GPATCH2: variants seen among roughly 807,000 people sequenced by gnomAD.
GPATCH2 encodes the protein G patch domain-containing protein 2.
Under a neutral mutation model 58.0 loss-of-function variants are expected in GPATCH2, and 51 were observed. The observed-to-expected ratio is 0.88, with a 90% CI of 0.70 to 1.11. The LOEUF is 1.11. Among genes scored for constraint, GPATCH2 ranks in the 50% most tolerant of loss-of-function variants. The pLI, the probability that GPATCH2 is intolerant of heterozygous loss-of-function variation, is 0.00. For missense variants in GPATCH2, 625 were observed against 652.2 expected (o/e 0.96, Z 0.45); for synonymous variants, 222 against 218.5 (o/e 1.02, Z -0.14).
intron 6 of GPATCH2, among the ~76,000 whole-genome samples, chr1:217,505,747 A>G (rs573163423): frequency 1.2e-3 from 179 of 152,302 alleles, no homozygotes; most frequent in African/African-American, 4.0e-3. Context: ...ATATAAAATG[A>G]TCTAAATCTG....
intron 5 of GPATCH2, among the ~76,000 whole-genome samples, chr1:217,562,264 T>C (rs1355594291): frequency 6.6e-6 from 1 of 152,216 alleles, no homozygotes; most frequent in Non-Finnish European, 1.5e-5. Context: ...GGTCTAGGAA[T>C]AATGTTACAT....
intron 5 of GPATCH2, among the ~76,000 whole-genome samples, chr1:217,598,239 T>A (rs960893177): frequency 2.0e-4 from 31 of 151,842 alleles, no homozygotes; most frequent in African/African-American, 6.8e-4. Flanking sequence ...TACAAAAAAA[T>A]TAGCTAAGTG....
At position 217,458,379 on chromosome 1, in the gene GPATCH2, T is replaced by C. The variant is rs78094323; in HGVS notation, c.1278-9042A>G. On this transcript the variant is annotated intron_variant, in intron 8 of 9. Coordinates refer to ENST00000366935, the MANE Select transcript of GPATCH2 (RefSeq NM_018040.5). Reference sequence around the variant, plus strand: ...AACCAGCTCAGTTAAATATTTCTTTTGTACTGCTTCATTATTCCACACAAA... The same window carrying C: ...AACCAGCTCAGTTAAATATTTCTTTCGTACTGCTTCATTATTCCACACAAA... 5.1e-4 allele frequency among the ~76,000 whole-genome samples: 78 copies of C among 152,332 alleles called. No individual in the cohort carries two copies. In the East Asian group the frequency reaches 0.014, roughly 27 times the overall value.
chr1:217,563,005 T>TTGCTAAG (rs1190275879), intron 5 of GPATCH2, among the ~76,000 whole-genome samples: 2 of 103,750 alleles, frequency 1.9e-5, no homozygotes, highest in Non-Finnish European at 4.7e-5. Context: ...TTTGGACAAG[T>TTGCTAAG]TTGCTAAGTT....
At chr1:217,567,931 A>G (rs1317074444) in intron 5 of GPATCH2, among the ~76,000 whole-genome samples, 2 of 152,164 alleles carry the variant, frequency 1.3e-5, no homozygotes, top group East Asian at 3.9e-4. Context: ...CCTGGCTAAC[A>G]TGGTGAAACC....
rs902652601 is a variant in GPATCH2, at chr1:217,610,015, A to C, written c.1098+306T>G. On this transcript the variant is annotated intron_variant, in intron 5 of 9. Coordinates refer to ENST00000366935, the MANE Select transcript of GPATCH2 (RefSeq NM_018040.5). ...CTAAAAGGAAGAATACCAGTCCTCC[A>C]GCAAAAACAGCCCCATCTTTTCATC... The C allele has an allele frequency of 2.8e-6, 4 of 1,416,510 alleles. No homozygotes were observed. In the African/African-American group the frequency reaches 5.9e-5, roughly 21 times the overall value. 87.7% of individuals were successfully genotyped at this position (1,416,510 alleles called of 1,614,324 possible).
At chr1:217,597,029 A>G (rs1463304628) in intron 5 of GPATCH2, among the ~76,000 whole-genome samples, 1 of 152,128 alleles carries the variant, frequency 6.6e-6, no homozygotes, top group Non-Finnish European at 1.5e-5. Flanking sequence ...AGATACCAAT[A>G]GACAAAATAT....
At chr1:217,602,208 G>A (rs954503241) in intron 5 of GPATCH2, among the ~76,000 whole-genome samples, 9 of 152,074 alleles carry the variant, frequency 5.9e-5, no homozygotes, top group South Asian at 2.1e-4. Context: ...GGACCACAAC[G>A]TCCATAAGCA....
At position 217,600,555 on chromosome 1, in the gene GPATCH2, G is replaced by A. The variant is rs185073104; in HGVS notation, c.1098+9766C>T. 1.5e-3 allele frequency among the ~76,000 whole-genome samples: 223 copies of A among 152,192 alleles called. 1 individual carries two copies. Among genetic ancestry groups the A allele is most frequent in the Non-Finnish European group, 1.1e-3 (73 of 67,946 alleles). On this transcript the variant is annotated intron_variant, in intron 5 of 9. Coordinates refer to ENST00000366935, the MANE Select transcript of GPATCH2 (RefSeq NM_018040.5). ...ATATCTGAAGGGAAAGTAGAAAACC[G>A]AAATTTATAGACCATCAGAATAATT...
intron 8 of GPATCH2, among the ~76,000 whole-genome samples, chr1:217,457,953 C>A (rs560458949): frequency 2.6e-5 from 4 of 152,230 alleles, no homozygotes; most frequent in Admixed American, 2.0e-4. Flanking sequence ...CTTGGCCGGG[C>A]GCGGTGGCTC....
chr1:217,595,252 A>G (rs945883596), intron 5 of GPATCH2, among the ~76,000 whole-genome samples: 2 of 152,146 alleles, frequency 1.3e-5, no homozygotes, highest in African/African-American at 4.8e-5. Context: ...TTAAAGAGTA[A>G]ACTAAGGATT....
intron 5 of GPATCH2, among the ~76,000 whole-genome samples, chr1:217,566,948 T>A (rs1355477043): frequency 1.3e-5 from 2 of 152,144 alleles, no homozygotes; most frequent in African/African-American, 4.8e-5. Context: ...TTTAGACTCA[T>A]AATAACAGTT....
chr1:217,619,629 A>T (rs1189199331), intron 2 of GPATCH2, among the ~76,000 whole-genome samples, 154 bp downstream of exon 2: 2 of 152,186 alleles, frequency 1.3e-5, no homozygotes, highest in Admixed American at 6.5e-5. Flanking sequence ...TAAACATCAT[A>T]AAGTATAAGG....
intron 5 of GPATCH2, chr1:217,609,008 A>T: frequency 2.1e-6 from 2 of 959,916 alleles, no homozygotes; most frequent in Non-Finnish European, 2.5e-6. Context: ...TTCTTTTCCA[A>T]TCATATTTAA....
At chr1:217,515,256 C>T (rs894992285) in intron 5 of GPATCH2, among the ~76,000 whole-genome samples, 1 of 151,936 alleles carries the variant, frequency 6.6e-6, no homozygotes, top group Admixed American at 6.6e-5. Context: ...CCACCACGCC[C>T]GGCTAATTTT....
chr1:217,456,724 C>T (rs1659963725), intron 8 of GPATCH2, among the ~76,000 whole-genome samples: 1 of 152,164 alleles, frequency 6.6e-6, no homozygotes. Flanking sequence ...AAAATAGACT[C>T]AGTAGTTTTA....
chr1:217,505,660 T>C (rs558148336), intron 6 of GPATCH2, among the ~76,000 whole-genome samples: 9 of 152,102 alleles, frequency 5.9e-5, no homozygotes, highest in Non-Finnish European at 1.3e-4. Flanking sequence ...TAATATGGAT[T>C]TTTATTGTTA....
rs949040101 is a variant in GPATCH2 at position 217,431,070 on chromosome 1, C to G, written c.*75G>C. 1.5e-5 allele frequency: 12 copies of G among 822,052 alleles called. No homozygotes were observed. The highest frequency in any genetic ancestry group is 2.6e-5 in the Non-Finnish European group (12 of 466,872). The allele number at this position is 822,052 out of a possible 1,614,324, so 50.9% of individuals were successfully genotyped here. On this transcript the variant is annotated 3_prime_UTR_variant, in exon 10 of 10. Coordinates refer to ENST00000366935, the MANE Select transcript of GPATCH2 (RefSeq NM_018040.5). ...GCAATGTAGATTTTTGCTTCAAAAA[C>G]AGAAGTCATGTTATCATTTTAGAAC...
At chr1:217,614,957 CAGG>C (rs953669184) in intron 2 of GPATCH2, among the ~76,000 whole-genome samples, 3 of 151,678 alleles carry the variant, frequency 2.0e-5, no homozygotes, top group Admixed American at 2.0e-4. Flanking sequence ...TTTAAAATAC[CAGG>C]AGAACAAAGT....
Sources: allele counts gnomAD v4.1 joint callset (sites outside exome capture counted in the v4.1 genomes callset), GRCh38; gene constraint gnomAD v4.1.1; transcripts MANE v1.5; gene names NCBI Gene and HGNC (gene_info 2026-07-23, HGNC 2026-07-21).